The following MSH6 variants were observed in gnomAD, a reference collection of about 807,000 sequenced individuals.
MSH6 encodes DNA mismatch repair protein Msh6.
MSH6 carries 85 observed loss-of-function variants against 119.1 expected under a neutral mutation model. The ratio of observed to expected loss-of-function variants is 0.71; its 90% CI spans 0.60 to 0.85. The LOEUF (loss-of-function observed/expected upper bound fraction) is 0.85. Among genes scored for constraint, MSH6 ranks in the 40% least tolerant of loss-of-function variants. MSH6 has a pLI of 0.00. For missense variants in MSH6, 2,163 were observed against 1,655.3 expected, an observed-to-expected ratio of 1.31 and a Z score of -5.32; for synonymous variants, 830 against 586.9, an observed-to-expected ratio of 1.41 and a Z score of -5.99.
At chr2:47,793,403 G>T (rs1015098725) in intron 2 of MSH6, among the ~76,000 whole-genome samples, 15 of 150,410 alleles carry the variant, frequency 1.0e-4, no homozygotes, top group African/African-American at 3.7e-4. Context: ...GCCCAGGCGG[G>T]TGGATCACGA....
chr2:47,797,002 G>C (rs1669138448), intron 3 of MSH6, among the ~76,000 whole-genome samples: 2 of 152,130 alleles, frequency 1.3e-5, no homozygotes, highest in South Asian at 4.1e-4. Flanking sequence ...TGTTATAGAA[G>C]TGAAAAAAAT....
chr2:47,783,167 G>A lies in MSH6; in HGVS notation c.-67G>A, dbSNP rs913476302. ...CCCAGATTTCCCGCCAGCAGGAGCCGCGCGGTAGATGCGGTGCTTTTAGGA... is the reference window on the plus strand; with the variant it reads ...CCCAGATTTCCCGCCAGCAGGAGCCACGCGGTAGATGCGGTGCTTTTAGGA... On this transcript the variant is annotated 5_prime_UTR_variant, in exon 1 of 10. Coordinates refer to ENST00000234420, the MANE Select transcript of MSH6 (RefSeq NM_000179.3). The A allele has an allele frequency of 1.3e-6, 2 of 1,593,252 alleles. No individual in the cohort carries two copies. The highest frequency in any genetic ancestry group is 1.7e-6 in the Non-Finnish European group (2 of 1,170,908).
chr2:47,801,035 C>G lies in MSH6; in HGVS notation c.3052C>G (p.Leu1018Val), dbSNP rs878853727. The G allele has an allele frequency of 6.3e-7, 1 of 1,585,890 alleles. No individual in the cohort carries two copies. Among genetic ancestry groups the G allele is most frequent in the Non-Finnish European group, 8.6e-7 (1 of 1,166,466 alleles). Residue 1018 changes from leucine (L) to valine (V), a missense_variant, in exon 4 of 10, where the codon CTC (leucine) becomes GTC (valine). Leu to Val is a conservative substitution (Grantham distance 32). Coordinates refer to ENST00000234420, the MANE Select transcript of MSH6 (RefSeq NM_000179.3). ...TKTIEKKLAN[L>V]INAEERRDVS... ...AACTATTGAAAAGAAGTTGGCTAAT[C>G]TCATAAATGCTGAAGAACGGAGGGA...
At chr2:47,802,568 A>G (rs1334860370) in intron 4 of MSH6, among the ~76,000 whole-genome samples, 1 of 150,636 alleles carries the variant, frequency 6.6e-6, no homozygotes, top group Non-Finnish European at 1.5e-5. Flanking sequence ...CTGACCTCAA[A>G]GCGATCTGCC....
At chr2:47,794,702 A>G (rs1033349836) in intron 2 of MSH6, among the ~76,000 whole-genome samples, 2 of 152,168 alleles carry the variant, frequency 1.3e-5, no homozygotes, top group Non-Finnish European at 2.9e-5. Flanking sequence ...TCTTTTATTT[A>G]TTTAGATATA....
In MSH6 at chr2:47,783,168, C is replaced by T. The variant is rs1409463530; in HGVS notation, c.-66C>T. 8.2e-6 allele frequency: 13 copies of T among 1,594,168 alleles called. No homozygotes were observed. The highest frequency in any genetic ancestry group is 1.7e-4 in the Middle Eastern group (1 of 6,004). On this transcript the variant is annotated 5_prime_UTR_variant, in exon 1 of 10. Coordinates refer to ENST00000234420, the MANE Select transcript of MSH6 (RefSeq NM_000179.3). ...CCAGATTTCCCGCCAGCAGGAGCCG[C>T]GCGGTAGATGCGGTGCTTTTAGGAG...
At chr2:47,788,310 A>G (rs578009591) in intron 1 of MSH6, among the ~76,000 whole-genome samples, 1 of 125,660 alleles carries the variant, frequency 8.0e-6, no homozygotes, top group Admixed American at 1.1e-4. Flanking sequence ...GCTGGAGTGC[A>G]GTGGCACGAT....
chr2:47,803,364 T>G (rs1669724743), intron 4 of MSH6, 56 bp from the exon 5 acceptor site: 1 of 1,611,808 alleles, frequency 6.2e-7, no homozygotes, highest in Non-Finnish European at 8.5e-7. Context: ...ATAAAACACT[T>G]AGGCTGATAA....
intron 1 of MSH6, chr2:47,789,497 T>G: frequency 2.3e-6 from 1 of 443,694 alleles, no homozygotes; most frequent in Non-Finnish European, 4.6e-6. Flanking sequence ...ATGAAATAAT[T>G]CTTTTCTAAT....
chr2:47,786,523 C>G (rs1054247649), intron 1 of MSH6, among the ~76,000 whole-genome samples: 4 of 151,904 alleles, frequency 2.6e-5, no homozygotes, highest in Admixed American at 1.3e-4. Context: ...ATAGTAGAGA[C>G]GGGTTTCACC....
downstream of MSH6, chr2:47,809,726 A>C (rs1457574995): frequency 4.0e-6 from 6 of 1,482,752 alleles, no homozygotes; most frequent in Non-Finnish European, 5.6e-6. Context: ...AAATTTACAA[A>C]CAAGTAGATA....
chr2:47,809,278 G>A, downstream of MSH6: 3 of 1,460,384 alleles, frequency 2.1e-6, no homozygotes, highest in Non-Finnish European at 1.9e-6. Context: ...TGTAATAAAA[G>A]AAAGAATAAG....
intron 1 of MSH6, chr2:47,784,883 G>T (rs1265101113): frequency 6.6e-6 from 1 of 152,206 alleles, no homozygotes; most frequent in Non-Finnish European, 1.5e-5. Flanking sequence ...CTAGAGTGCA[G>T]TGGCGCGTTC....
chr2:47,785,903 G>T (rs1454353014), intron 1 of MSH6, among the ~76,000 whole-genome samples: 2 of 152,166 alleles, frequency 1.3e-5, no homozygotes, highest in Non-Finnish European at 2.9e-5. Context: ...TTCACCTCCC[G>T]TTATGGAGAG....
rs63749843 is a variant in MSH6, at chr2:47,803,449, C to A, written c.3202C>A (p.Arg1068=). The A allele has an allele frequency of 6.2e-7, 1 of 1,614,090 alleles. No homozygotes were observed. The highest frequency in any genetic ancestry group is 2.2e-5 in the East Asian group (1 of 44,880). Residue 1068 remains arginine (R), a synonymous_variant, in exon 5 of 10, where the codon CGA becomes AGA. Coordinates refer to ENST00000234420, the MANE Select transcript of MSH6 (RefSeq NM_000179.3). ...TTTACTGTGCCTGGCTAACTATAGT[C>A]GAGGGGGTGATGGTCCTATGTGTCG... ...DVLLCLANYS[R]GGDGPMCRPV... is the part of the protein sequence containing the mutation.
rs1406816622 is a variant in MSH6 at position 47,783,214 on chromosome 2, G to T, written c.-20G>T. On this transcript the variant is annotated 5_prime_UTR_variant, in exon 1 of 10. Transcript: ENST00000234420. ...AGGAGCTCCGTCCGACAGAACGGTT[G>T]GGCCTTGCCGGCTGTCGGTATGTCG... The T allele has an allele frequency of 1.9e-6, 3 of 1,610,882 alleles. No homozygotes were observed. The highest frequency in any genetic ancestry group is 2.5e-6 in the Non-Finnish European group (3 of 1,179,270).
At chr2:47,795,517 G>A (rs1572715576) in intron 2 of MSH6, among the ~76,000 whole-genome samples, 1 of 149,960 alleles carries the variant, frequency 6.7e-6, no homozygotes, top group African/African-American at 2.5e-5. Flanking sequence ...CCAGGCTGGA[G>A]TGAAGTGGTG....
Position 47,783,156 on chromosome 2 carries a change from CAGCAGG to C in MSH6, c.-74_-69del. Reference sequence around the variant, plus strand: ...GCGCGCCTCCCCCCAGATTTCCCGCCAGCAGGAGCCGCGCGGTAGATGCGGTGCTTT... The same window carrying C: ...GCGCGCCTCCCCCCAGATTTCCCGCCAGCCGCGCGGTAGATGCGGTGCTTT... On this transcript the variant is annotated 5_prime_UTR_variant, in exon 1 of 10. Coordinates refer to ENST00000234420, the MANE Select transcript of MSH6 (RefSeq NM_000179.3). 1 of 1,582,678 alleles carries C rather than the reference CAGCAGG, an allele frequency of 6.3e-7. No homozygotes were observed. The highest frequency in any genetic ancestry group is 8.6e-7 in the Non-Finnish European group (1 of 1,163,738).
rs587781932 is a variant in MSH6, at chr2:47,806,443, TTTC to T, written c.3802-6_3802-4del. The T allele has an allele frequency of 6.2e-7, 1 of 1,614,076 alleles. No homozygotes were observed. Among genetic ancestry groups the T allele is most frequent in the Admixed American group, 1.7e-5 (1 of 60,006 alleles). ...AGCACATGTATCGCTAATATTTTTC[TTTC>T]TTAAGGCATGCATGGTAGAAAATGA... is the stretch of plus-strand genomic sequence containing the variant. On this transcript the variant is annotated splice_polypyrimidine_tract_variant and splice_region_variant and intron_variant, in intron 8 of 9. Coordinates refer to ENST00000234420, the MANE Select transcript of MSH6 (RefSeq NM_000179.3).
Sources: gnomAD v4.1 joint callset for allele counts (sites outside exome capture counted in the v4.1 genomes callset) on GRCh38, gnomAD v4.1.1 for gene constraint, MANE v1.5 for transcripts, NCBI Gene and HGNC (gene_info 2026-07-23, HGNC 2026-07-21) for gene names.